The following ARHGAP11B variants were observed in gnomAD, a reference collection of about 807,000 sequenced individuals.
ARHGAP11B encodes Rho GTPase activating protein 11B.
In ARHGAP11B, 14 loss-of-function variants were observed where a neutral mutation model predicts 27.6. The observed-to-expected ratio is 0.51, with a 90% CI of 0.34 to 0.79. The LOEUF is 0.79. Among genes scored for constraint, ARHGAP11B ranks in the 30% least tolerant of loss-of-function variants. The pLI, the probability that ARHGAP11B is intolerant of heterozygous loss-of-function variation, is 0.02. For synonymous variants in ARHGAP11B, 82 were observed against 114.1 expected (o/e 0.72, Z 1.80); for missense variants, 245 against 320.1 (o/e 0.77, Z 1.79).
chr15:30,635,115 C>A, exon 5 of ARHGAP11B: 1 of 1,613,496 alleles, frequency 6.2e-7, no homozygotes, highest in Admixed American at 1.7e-5. Context: ...AGCAATCTTG[C>A]AGTAATATTT....
intron 2 of ARHGAP11B, among the ~76,000 whole-genome samples, chr15:30,632,541 GT>G (rs1026811432): frequency 7.2e-5 from 11 of 151,730 alleles, no homozygotes; most frequent in African/African-American, 2.4e-4. Context: ...TAAAAAGACT[GT>G]TTTGTCAGTT....
intron 2 of ARHGAP11B, among the ~76,000 whole-genome samples, chr15:30,632,528 A>G (rs1214239554): frequency 6.6e-6 from 1 of 151,752 alleles, no homozygotes; most frequent in Non-Finnish European, 1.5e-5. Flanking sequence ...CTTTTTATTT[A>G]ATTAAAAAGA....
intron 9 of ARHGAP11B, among the ~76,000 whole-genome samples, chr15:30,646,744 T>C (rs1024744686): frequency 1.3e-5 from 2 of 150,348 alleles, no homozygotes; most frequent in Non-Finnish European, 3.0e-5. Context: ...CTGAGGCGGG[T>C]GGATCACCTG....
chr15:30,636,533 G>A (rs2060280612), intron 6 of ARHGAP11B, among the ~76,000 whole-genome samples: 1 of 152,024 alleles, frequency 6.6e-6, no homozygotes, highest in East Asian at 1.9e-4. Context: ...TGGTTTATTT[G>A]TTATTGCATA....
chr15:30,648,538 A>G lies in ARHGAP11B; in HGVS notation c.*606A>G, dbSNP rs571579713. On this transcript the variant is annotated 3_prime_UTR_variant, in exon 11 of 11. Coordinates refer to ENST00000428041, the Ensembl canonical transcript of ARHGAP11B. The stretch of plus-strand genomic sequence containing the variant: ...GCTGAGTCGAAGTTTCCTCATCTGT[A>G]AAATTTCGATGGAGATGAGATAACT... Among the ~76,000 whole-genome samples, 19 of 152,164 alleles carry G rather than the reference A, an allele frequency of 1.2e-4. No homozygotes were observed. The South Asian group carries it at 3.7e-3, about 30-fold the overall frequency.
chr15:30,629,365 A>AC (rs35981302), intron 1 of ARHGAP11B, among the ~76,000 whole-genome samples: 3,789 of 150,612 alleles, frequency 0.025, 102 homozygotes, highest in Non-Finnish European at 0.034. Flanking sequence ...AACACGGTGA[A>AC]CCCCCCCCGC....
rs765025486 is a variant in ARHGAP11B, at chr15:30,631,787, C to CT, written c.200+1030dup. Among the ~76,000 whole-genome samples the CT allele has an allele frequency of 4.8e-3, 673 of 139,620 alleles. 6 individuals are homozygous for CT. The highest frequency in any genetic ancestry group is 8.1e-3 in the African/African-American group (312 of 38,466). The allele number at this position is 139,620 out of a possible 152,430, so 91.6% of individuals were successfully genotyped here. A position where few individuals can be genotyped will look rare whatever the true frequency, so the allele number is the denominator to read the frequency against. On this transcript the variant is annotated intron_variant, in intron 2 of 10. Coordinates refer to ENST00000428041, the Ensembl canonical transcript of ARHGAP11B. ...TACTATTTATAAATAACCTTTTGTT[C>CT]TTTTTTTTTTTTTTTTGAGACAGAG...
chr15:30,645,643 T>C (rs2060342944), intron 8 of ARHGAP11B, among the ~76,000 whole-genome samples: 1 of 152,058 alleles, frequency 6.6e-6, no homozygotes, highest in Admixed American at 6.6e-5. Context: ...GCCCTTTTTT[T>C]GTATAGGGAT....
chr15:30,645,243 A>G (rs1347089388), intron 8 of ARHGAP11B, among the ~76,000 whole-genome samples: 3 of 151,804 alleles, frequency 2.0e-5, no homozygotes, highest in Non-Finnish European at 4.4e-5. Context: ...TTTTTTTAAC[A>G]AATTATATTT....
At chr15:30,630,801 C>T (rs758639642) in intron 2 of ARHGAP11B, 28 bp downstream of exon 2, 95 of 1,603,764 alleles carry the variant, frequency 5.9e-5, no homozygotes, top group Non-Finnish European at 6.5e-5. Flanking sequence ...TGAAGAAGGC[C>T]GGGTGCAGTG....
rs2060331467 is a variant in ARHGAP11B at position 30,644,133 on chromosome 15, A to T, written c.*79-506A>T. On this transcript the variant is annotated intron_variant, in intron 7 of 10. Transcript: ENST00000428041. Reference sequence around the variant, plus strand: ...CTCTAAACTACTATTTACAAAAAAAAAAAATTCTTTCTGTCCAGGGTTTTG... The same window carrying T: ...CTCTAAACTACTATTTACAAAAAAATAAAATTCTTTCTGTCCAGGGTTTTG... Among the ~76,000 whole-genome samples the T allele has an allele frequency of 1.3e-5, 2 of 152,060 alleles. 1 individual carries two copies. The highest frequency in any genetic ancestry group is 2.9e-5 in the Non-Finnish European group (2 of 67,998).
chr15:30,627,094 A>T (rs2060214241), intron 1 of ARHGAP11B, 145 bp downstream of exon 1: 6 of 1,287,444 alleles, frequency 4.7e-6, no homozygotes, highest in African/African-American at 1.5e-5. Flanking sequence ...TCGATTGCTG[A>T]TATTTAAAAA....
chr15:30,630,284 GTATT>G (rs1161649890), intron 1 of ARHGAP11B, among the ~76,000 whole-genome samples: 1 of 152,154 alleles, frequency 6.6e-6, no homozygotes, highest in East Asian at 1.9e-4. Flanking sequence ...TTTTGTGTAA[GTATT>G]TATAAGGTGA....
At chr15:30,638,094 A>G (rs1222978437) in intron 6 of ARHGAP11B, among the ~76,000 whole-genome samples, 1 of 54,204 alleles carries the variant, frequency 1.8e-5, no homozygotes, top group Non-Finnish European at 3.5e-5. Context: ...TGCTAGGATT[A>G]CAGGTGTGAG....
chr15:30,645,222 C>A (rs2060339663), intron 8 of ARHGAP11B, among the ~76,000 whole-genome samples: 1 of 151,808 alleles, frequency 6.6e-6, no homozygotes, highest in South Asian at 2.1e-4. Flanking sequence ...TTTTTACATA[C>A]CTTAAACTTT....
chr15:30,631,378 T>C (rs2060244131), intron 2 of ARHGAP11B, among the ~76,000 whole-genome samples: 1 of 152,038 alleles, frequency 6.6e-6, no homozygotes, highest in African/African-American at 2.4e-5. Context: ...TAAAAAAATA[T>C]TGGCCAGGCA....
At chr15:30,632,401 GC>G (rs903448933) in intron 2 of ARHGAP11B, among the ~76,000 whole-genome samples, 1 of 150,752 alleles carries the variant, frequency 6.6e-6, no homozygotes, top group African/African-American at 2.5e-5. Flanking sequence ...GGGTGACAGA[GC>G]GAGACACTGT....
intron 6 of ARHGAP11B, among the ~76,000 whole-genome samples, chr15:30,637,236 T>C (rs2060285055): frequency 1.3e-5 from 2 of 151,892 alleles, no homozygotes; most frequent in South Asian, 4.1e-4. Flanking sequence ...TCATTGGTGC[T>C]TTAAGCTTAA....
rs929228870 is a variant in ARHGAP11B, at chr15:30,635,070, T to G, written c.552-10T>G. On this transcript the variant is annotated splice_polypyrimidine_tract_variant and intron_variant, in intron 4 of 10. Coordinates refer to ENST00000428041, the Ensembl canonical transcript of ARHGAP11B. ...TTGGCTCCATCTAATAAAGCGTTTA[T>G]TCACTTAAGATCCAGTGAGAATAAG... is the stretch of plus-strand genomic sequence containing the variant. 1.9e-6 allele frequency: 3 copies of G among 1,612,296 alleles called. No individual in the cohort carries two copies. Among genetic ancestry groups the G allele is most frequent in the Admixed American group, 1.7e-5 (1 of 59,898 alleles).
Sources: allele counts gnomAD v4.1 joint callset (sites outside exome capture counted in the v4.1 genomes callset), GRCh38; gene constraint gnomAD v4.1.1; transcripts MANE v1.5; gene names NCBI Gene and HGNC (gene_info 2026-07-23, HGNC 2026-07-21).